Variants in N4BP2L2 observed in about 807,000 individuals in gnomAD.
The protein encoded by N4BP2L2 is NEDD4 binding protein 2 like 2.
Under a neutral mutation model 56.2 loss-of-function variants are expected in N4BP2L2, and 50 were observed. The observed-to-expected ratio is 0.89, with a 90% CI of 0.71 to 1.13. The LOEUF (loss-of-function observed/expected upper bound fraction) is 1.13, where lower values mean the gene tolerates loss of function less well. N4BP2L2 is among the 50% of genes most tolerant of loss of function. N4BP2L2 has a pLI of 0.00. For synonymous variants in N4BP2L2, 203 were observed against 223.6 expected (o/e 0.91, Z 0.82); for missense variants, 689 against 693.8 (o/e 0.99, Z 0.08).
intron 6 of N4BP2L2, among the ~76,000 whole-genome samples, chr13:32,500,573 CCAGG>C (rs2089798738): frequency 7.1e-6 from 1 of 141,548 alleles, no homozygotes; most frequent in Non-Finnish European, 1.5e-5. Flanking sequence ...AAAAAAATAG[CCAGG>C]CATGGTGGCA....
chr13:32,489,194 ACTTT>A (rs1475256434), intron 6 of N4BP2L2, among the ~76,000 whole-genome samples: 1 of 152,224 alleles, frequency 6.6e-6, no homozygotes, highest in Non-Finnish European at 1.5e-5. Flanking sequence ...TTATTTGGTG[ACTTT>A]CTTATTTGAT....
intron 6 of N4BP2L2, among the ~76,000 whole-genome samples, chr13:32,498,698 AT>A (rs1178954697): frequency 6.6e-6 from 1 of 151,782 alleles, no homozygotes; most frequent in African/African-American, 2.4e-5. Context: ...ATGGACTGGA[AT>A]TTTTTTAAAA....
intron 6 of N4BP2L2, among the ~76,000 whole-genome samples, chr13:32,486,737 C>G (rs923141562): frequency 6.6e-6 from 1 of 151,876 alleles, no homozygotes. Context: ...TGGTGGCTCC[C>G]ACCTGTAATC....
intron 6 of N4BP2L2, chr13:32,505,078 C>T (rs1163193117): frequency 6.6e-6 from 1 of 152,258 alleles, no homozygotes; most frequent in Non-Finnish European, 1.5e-5. Context: ...AAGTAGCCTA[C>T]CTTGACTCCT....
At chr13:32,521,260 T>C in intron 5 of N4BP2L2, 113 bp downstream of exon 5, 1 of 831,088 alleles carries the variant, frequency 1.2e-6, no homozygotes. Context: ...TCCTCACATT[T>C]TACCCTCAGT....
chr13:32,462,180 T>C (rs1397484432), intron 6 of N4BP2L2, among the ~76,000 whole-genome samples: 2 of 152,094 alleles, frequency 1.3e-5, no homozygotes, highest in African/African-American at 4.8e-5. Context: ...AGCAAAAACA[T>C]GGAATCAACC....
downstream of N4BP2L2, chr13:32,506,958 A>AG (rs1475682078): frequency 6.6e-6 from 1 of 151,560 alleles, no homozygotes; most frequent in African/African-American, 2.4e-5. Flanking sequence ...AGAGGGCACA[A>AG]GGAGCTTCTA....
chr13:32,514,706 T>C (rs1456465052), exon 6 of N4BP2L2: 1 of 152,230 alleles, frequency 6.6e-6, no homozygotes, highest in Admixed American at 6.5e-5. Flanking sequence ...TTTCACATTT[T>C]TATAGATTTT....
exon 6 of N4BP2L2, chr13:32,513,979 T>C (rs1278668305): frequency 6.6e-6 from 1 of 152,172 alleles, no homozygotes; most frequent in African/African-American, 2.4e-5. Flanking sequence ...ATAAAAAAAT[T>C]CAAGTATAGC....
At chr13:32,463,203 G>T (rs895504131) in intron 6 of N4BP2L2, among the ~76,000 whole-genome samples, 1 of 152,134 alleles carries the variant, frequency 6.6e-6, no homozygotes, top group Non-Finnish European at 1.5e-5. Flanking sequence ...TCTACAGCAG[G>T]CTTGAGCAGG....
chr13:32,437,979 T>C (rs866538784), intron 8 of N4BP2L2, among the ~76,000 whole-genome samples: 1 of 152,246 alleles, frequency 6.6e-6, no homozygotes. Context: ...TTATTTTTTA[T>C]TCCATAATTT....
chr13:32,432,920 C>A (rs2075003192), exon 10 of N4BP2L2: 2 of 152,240 alleles, frequency 1.3e-5, no homozygotes. Flanking sequence ...AGCACTCTGA[C>A]TTTTCTCCGT....
chr13:32,525,952 A>T (rs1339087382), intron 3 of N4BP2L2, among the ~76,000 whole-genome samples: 1 of 143,666 alleles, frequency 7.0e-6, no homozygotes, highest in Admixed American at 7.3e-5. Flanking sequence ...CAGCAGACAG[A>T]GGGAAGAGGT....
chr13:32,520,697 G>A (rs1566167153), intron 5 of N4BP2L2, among the ~76,000 whole-genome samples: 4 of 151,422 alleles, frequency 2.6e-5, no homozygotes, highest in Middle Eastern at 3.2e-3. Flanking sequence ...AGGAATAACA[G>A]TCAGGAAACA....
At chr13:32,447,701 G>A (rs1051293255) in intron 6 of N4BP2L2, among the ~76,000 whole-genome samples, 1 of 151,976 alleles carries the variant, frequency 6.6e-6, no homozygotes, top group African/African-American at 2.4e-5. Context: ...AAAAAAAGAG[G>A]GCTTCTCTAA....
At chr13:32,505,762 C>T (rs2090844135), downstream of N4BP2L2, 1 of 152,186 alleles carries the variant, frequency 6.6e-6, no homozygotes, top group African/African-American at 2.4e-5. Context: ...ATTCATATTT[C>T]TACCAATATT....
rs149104320 is a variant in N4BP2L2 at position 32,437,265 on chromosome 13, A to G, written c.2191-860T>C. ...AGTGGCAATAATGTCTCCATGGGGA[A>G]TAAGGAGAAACAAGAAGATGAGGAA... On this transcript the variant is annotated intron_variant, in intron 8 of 9. Transcript: ENST00000357505. Among the ~76,000 whole-genome samples the G allele has an allele frequency of 6.6e-5, 10 of 152,342 alleles. No individual in the cohort carries two copies. In the East Asian group the frequency reaches 1.2e-3, roughly 18 times the overall value.
At chr13:32,473,193 A>C (rs2082642763) in intron 6 of N4BP2L2, among the ~76,000 whole-genome samples, 2 of 151,950 alleles carry the variant, frequency 1.3e-5, no homozygotes, top group South Asian at 4.2e-4. Context: ...GAGGCAGGAG[A>C]ATCACTTGAA....
exon 3 of N4BP2L2, chr13:32,527,461 T>C (rs2053365818): frequency 6.2e-7 from 1 of 1,614,028 alleles, no homozygotes; most frequent in Non-Finnish European, 8.5e-7. Flanking sequence ...ATTATACCTG[T>C]ACCCATCTTG....
Sources: allele counts gnomAD v4.1 joint callset (sites outside exome capture counted in the v4.1 genomes callset), GRCh38; gene constraint gnomAD v4.1.1; transcripts MANE v1.5; gene names NCBI Gene and HGNC (gene_info 2026-07-23, HGNC 2026-07-21).